Variants in ATXN7L1 observed in about 807,000 individuals in gnomAD.
ATXN7L1 encodes ataxin-7-like protein 1.
Under a neutral mutation model 70.8 loss-of-function variants are expected in ATXN7L1, and 15 were observed. The ratio of observed to expected loss-of-function variants is 0.21; its 90% confidence interval spans 0.14 to 0.33. The LOEUF is 0.33. Ranked by LOEUF, ATXN7L1 falls within the 10% of genes least tolerant of loss-of-function variation. The probability of loss-of-function intolerance (pLI) is 1.00; values close to 1 mark genes in which losing one functional copy is unlikely to be tolerated. For missense variants in ATXN7L1, 975 were observed against 1,097.1 expected (o/e 0.89, Z 1.57); for synonymous variants, 440 against 445.1 (o/e 0.99, Z 0.14).
chr7:105,836,514 G>A (rs775086649), intron 2 of ATXN7L1, among the ~76,000 whole-genome samples: 42 of 152,126 alleles, frequency 2.8e-4, no homozygotes, highest in Non-Finnish European at 5.9e-4. Flanking sequence ...CCAGAGAAGC[G>A]GGGAAGGAAA....
At chr7:105,798,234 C>T (rs940320900) in intron 2 of ATXN7L1, among the ~76,000 whole-genome samples, 1 of 152,192 alleles carries the variant, frequency 6.6e-6, no homozygotes, top group South Asian at 2.1e-4. Flanking sequence ...CTTCCCCCCA[C>T]CCCATGGCAA....
chr7:105,869,031 C>A (rs1237916926), intron 2 of ATXN7L1, among the ~76,000 whole-genome samples: 1 of 152,178 alleles, frequency 6.6e-6, no homozygotes, highest in Non-Finnish European at 1.5e-5. Flanking sequence ...ACTAGATGAT[C>A]AGGATGTCCT....
intron 3 of ATXN7L1, among the ~76,000 whole-genome samples, chr7:105,757,545 T>G (rs1799951809): frequency 6.6e-6 from 1 of 151,612 alleles, no homozygotes; most frequent in African/African-American, 2.4e-5. Flanking sequence ...TTTTTTTTTT[T>G]TTTTCAGTTA....
intron 3 of ATXN7L1, among the ~76,000 whole-genome samples, chr7:105,745,524 T>C (rs1346305543): frequency 6.6e-6 from 1 of 152,242 alleles, no homozygotes; most frequent in Non-Finnish European, 1.5e-5. Context: ...AATTTGAAAC[T>C]TCTGGGTGCT....
intron 7 of ATXN7L1, among the ~76,000 whole-genome samples, chr7:105,625,447 CA>C (rs1795558351): frequency 6.6e-6 from 1 of 152,106 alleles, no homozygotes; most frequent in Admixed American, 6.5e-5. Flanking sequence ...GACAGGGTTT[CA>C]CCATGTTGGC....
chr7:105,823,076 C>T (rs1163129626), intron 2 of ATXN7L1, among the ~76,000 whole-genome samples: 1 of 151,816 alleles, frequency 6.6e-6, no homozygotes, highest in Admixed American at 6.6e-5. Context: ...GAGATTAATA[C>T]ATCCTCTGGC....
Position 105,665,252 on chromosome 7 carries a change from G to T in ATXN7L1, c.392C>A (p.Ser131Tyr). The T allele has an allele frequency of 6.4e-7, 1 of 1,551,674 alleles. No homozygotes were observed. Among genetic ancestry groups the T allele is most frequent in the Middle Eastern group, 1.7e-4 (1 of 5,954 alleles). The change falls in exon 4 of 12, where the codon TCT becomes TAT. Residue 131 changes from serine (S) to tyrosine (Y), a missense_variant. Coordinates refer to ENST00000419735, the MANE Select transcript of ATXN7L1 (RefSeq NM_020725.2). ...RHGSMCRPSP[S>Y]PVSPASNPRT... ...GGGATTGGAGGCTGGAGACACTGGA[G>T]AGGGAGAAGGTCTACACATTGAACC...
At chr7:105,743,403 G>T (rs186269072) in intron 3 of ATXN7L1, among the ~76,000 whole-genome samples, 1 of 152,204 alleles carries the variant, frequency 6.6e-6, no homozygotes, top group East Asian at 1.9e-4. Context: ...GAGTCCCAGG[G>T]AGGCTGCCGG....
chr7:105,650,567 G>A (rs536156473), intron 4 of ATXN7L1, among the ~76,000 whole-genome samples: 3 of 152,348 alleles, frequency 2.0e-5, no homozygotes, highest in African/African-American at 7.2e-5. Flanking sequence ...TACCAGGTGA[G>A]TGGTCCTGGC....
chr7:105,701,057 A>C (rs1164374918), intron 3 of ATXN7L1, among the ~76,000 whole-genome samples: 1 of 152,218 alleles, frequency 6.6e-6, no homozygotes, highest in African/African-American at 2.4e-5. Context: ...AATGCAAACA[A>C]AGACAAACAT....
At chr7:105,815,590 C>G (rs894214815) in intron 2 of ATXN7L1, among the ~76,000 whole-genome samples, 2 of 152,196 alleles carry the variant, frequency 1.3e-5, no homozygotes, top group Non-Finnish European at 2.9e-5. Context: ...GAGGGAAGGA[C>G]AAAGGCACTT....
At chr7:105,687,584 T>A (rs2116182576) in intron 3 of ATXN7L1, among the ~76,000 whole-genome samples, 1 of 152,326 alleles carries the variant, frequency 6.6e-6, no homozygotes, top group East Asian at 1.9e-4. Context: ...ATCTTGGACC[T>A]CCAGCTTCCA....
Position 105,704,584 on chromosome 7 carries a change from CTTTTT to C in ATXN7L1, c.356-39301_356-39297del, listed in dbSNP as rs11329205. Among the ~76,000 whole-genome samples, 3 of 89,488 alleles carry C rather than the reference CTTTTT, an allele frequency of 3.4e-5. No homozygotes were observed. The Admixed American group carries it at 4.1e-4, about 12-fold the overall frequency. The allele number at this position is 89,488 out of a possible 152,430, so 58.7% of individuals were successfully genotyped here. The stretch of plus-strand genomic sequence containing the variant: ...ACCAATGTCCAGAGAGGTTTTATCT[CTTTTT>C]TTTTTTTTTTTTTTTTTTTTTTTAG... On this transcript the variant is annotated intron_variant, in intron 3 of 11. Coordinates refer to ENST00000419735, the MANE Select transcript of ATXN7L1 (RefSeq NM_020725.2).
chr7:105,610,132 T>C (rs1721488), intron 11 of ATXN7L1, among the ~76,000 whole-genome samples: 152,335 of 152,342 alleles, frequency 1, 76,164 homozygotes, highest in Non-Finnish European at 1. Flanking sequence ...AGGGAAGCAT[T>C]AATTTTGCCT....
At position 105,638,530 on chromosome 7, in the gene ATXN7L1, T is replaced by G; in HGVS notation, c.1025A>C (p.Lys342Thr). ...ATCTTTAACTTCTTTTTCCCGGGAC[T>G]TTGCTTTGTGTTCTGCCAGGAGGAG... Reference protein sequence around the residue: ...FDLLLAEHKAKSREKEVKDKE... With the variant: ...FDLLLAEHKATSREKEVKDKE... The change falls in exon 7 of 12, where the codon AAG becomes ACG. Residue 342 changes from lysine (K) to threonine (T), a missense_variant. Physicochemically the swap from Lys to Thr is moderately conservative, Grantham distance 78 (BLOSUM62 -1). Coordinates refer to ENST00000419735, the MANE Select transcript of ATXN7L1 (RefSeq NM_020725.2). 1.9e-6 allele frequency: 3 copies of G among 1,552,164 alleles called. No homozygotes were observed. The highest frequency in any genetic ancestry group is 2.6e-6 in the Non-Finnish European group (3 of 1,147,090).
At chr7:105,848,849 C>T (rs904976494) in intron 2 of ATXN7L1, among the ~76,000 whole-genome samples, 1 of 152,146 alleles carries the variant, frequency 6.6e-6, no homozygotes, top group African/African-American at 2.4e-5. Flanking sequence ...TTCTTCTAGC[C>T]TCCAGTTCCC....
chr7:105,844,033 T>C (rs1813608852), intron 2 of ATXN7L1, among the ~76,000 whole-genome samples: 1 of 152,216 alleles, frequency 6.6e-6, no homozygotes, highest in Non-Finnish European at 1.5e-5. Flanking sequence ...TGGCATCTGA[T>C]GCTTGGTGTC....
chr7:105,857,118 C>A (rs184651188), intron 2 of ATXN7L1, among the ~76,000 whole-genome samples: 1 of 152,254 alleles, frequency 6.6e-6, no homozygotes, highest in African/African-American at 2.4e-5. Flanking sequence ...GTACAATGCC[C>A]TGAATGTCCA....
chr7:105,790,609 T>A (rs1328708530), intron 2 of ATXN7L1, among the ~76,000 whole-genome samples: 1 of 80,448 alleles, frequency 1.2e-5, no homozygotes, highest in Non-Finnish European at 2.8e-5. Context: ...AAAAAAATTA[T>A]CTATCTATCT....
Sources: allele counts gnomAD v4.1 joint callset (sites outside exome capture counted in the v4.1 genomes callset), GRCh38; gene constraint gnomAD v4.1.1; transcripts MANE v1.5; gene names NCBI Gene and HGNC (gene_info 2026-07-23, HGNC 2026-07-21).